Variants in TENM1 observed in about 807,000 individuals in gnomAD.
The protein encoded by TENM1 is teneurin transmembrane protein 1, also known as teneurin-1.
TENM1 carries 35 observed loss-of-function variants against 174.8 expected under a neutral mutation model. The ratio of observed to expected loss-of-function variants is 0.20; its 90% CI spans 0.15 to 0.27. The LOEUF (loss-of-function observed/expected upper bound fraction) is 0.27, where lower values mean the gene tolerates loss of function less well. Ranked by LOEUF, TENM1 falls within the 10% of genes least tolerant of loss-of-function variation. The probability of loss-of-function intolerance (pLI) is 1.00; values close to 1 mark genes in which losing one functional copy is unlikely to be tolerated. For missense variants in TENM1, 1,633 were observed against 2,130.1 expected, an observed-to-expected ratio of 0.77 and a Z score of 4.59; for synonymous variants, 781 against 798.7, an observed-to-expected ratio of 0.98 and a Z score of 0.37.
chrX:124,691,003 AT>A lies in TENM1; in HGVS notation c.1015+14009del, dbSNP rs1263177713. Among the ~76,000 whole-genome samples, 19 of 111,540 alleles carry A rather than the reference AT, an allele frequency of 1.7e-4. No individual in the cohort carries two copies. The Admixed American group carries it at 1.8e-3, about 11-fold the overall frequency. The stretch of plus-strand genomic sequence containing the variant: ...AAAGCACAAGCTCATATATATATAT[AT>A]ATCCCCAATTCTAATCCAACACTTC... On this transcript the variant is annotated intron_variant, in intron 5 of 31. Coordinates refer to ENST00000422452, the Ensembl canonical transcript of TENM1.
chrX:124,791,050 T>C (rs923433309), intron 3 of TENM1, among the ~76,000 whole-genome samples: 1 of 111,946 alleles, frequency 8.9e-6, no homozygotes, highest in African/African-American at 3.2e-5. Flanking sequence ...TCAAATACCT[T>C]ATCACATATT....
At chrX:124,539,885 T>C (rs914600141) in intron 15 of TENM1, among the ~76,000 whole-genome samples, 6 of 111,979 alleles carry the variant, frequency 5.4e-5, no homozygotes, top group Non-Finnish European at 9.4e-5. Context: ...CCCGAGCCAA[T>C]TAGTCCCATC....
At chrX:124,446,306 G>T (rs930533934) in intron 23 of TENM1, among the ~76,000 whole-genome samples, 1 of 112,245 alleles carries the variant, frequency 8.9e-6, no homozygotes, top group Non-Finnish European at 1.9e-5. Flanking sequence ...TAATCCCTCC[G>T]ACTAACAGTT....
At chrX:124,890,932 G>A (rs1476145796) in intron 3 of TENM1, among the ~76,000 whole-genome samples, 1 of 111,692 alleles carries the variant, frequency 9.0e-6, no homozygotes, top group Non-Finnish European at 1.9e-5. Context: ...TAAAGAAAAC[G>A]TAGTACATAT....
chrX:124,585,686 T>G (rs749880224), intron 11 of TENM1, among the ~76,000 whole-genome samples: 5 of 110,028 alleles, frequency 4.5e-5, no homozygotes, highest in Admixed American at 9.7e-5. Flanking sequence ...TAACTAAAAT[T>G]AGAGCAGAAC....
chrX:124,787,352 T>C (rs1485158904), intron 3 of TENM1, among the ~76,000 whole-genome samples: 1 of 107,455 alleles, frequency 9.3e-6, no homozygotes, highest in Non-Finnish European at 1.9e-5. Context: ...TTACAAACTT[T>C]GGGAAAGTTT....
chrX:124,752,559 T>A (rs1451166511), intron 3 of TENM1, among the ~76,000 whole-genome samples: 1 of 112,046 alleles, frequency 8.9e-6, no homozygotes, highest in African/African-American at 3.2e-5. Flanking sequence ...AGACATGAAG[T>A]CCTTGCTCAT....
At chrX:124,892,860 GT>G (rs1254292581) in intron 3 of TENM1, among the ~76,000 whole-genome samples, 11 of 112,221 alleles carry the variant, frequency 9.8e-5, no homozygotes, top group African/African-American at 3.6e-4. Flanking sequence ...ATTCTAAGTA[GT>G]TTTACTTTTT....
chrX:124,939,580 A>G lies in TENM1; in HGVS notation c.217+23957T>C, dbSNP rs764638672. On this transcript the variant is annotated intron_variant, in intron 1 of 31. Transcript: ENST00000422452. Reference sequence around the variant, plus strand: ...CACTTGATTTGACTGGATAAATCCTAATAGCCATTCCTTACAGTGGCTTCA... The same window carrying G: ...CACTTGATTTGACTGGATAAATCCTGATAGCCATTCCTTACAGTGGCTTCA... Among the ~76,000 whole-genome samples, 14 of 111,950 alleles carry G rather than the reference A, an allele frequency of 1.3e-4. No homozygotes were observed. The South Asian group carries it at 5.2e-3, about 42-fold the overall frequency.
chrX:124,469,904 C>A (rs1374764803), intron 22 of TENM1, among the ~76,000 whole-genome samples: 1 of 111,364 alleles, frequency 9.0e-6, no homozygotes, highest in Non-Finnish European at 1.9e-5. Flanking sequence ...AAATGAGACT[C>A]AAATTCATTG....
intron 6 of TENM1, among the ~76,000 whole-genome samples, chrX:124,660,450 T>C (rs1363733457): frequency 9.0e-6 from 1 of 110,615 alleles, no homozygotes; most frequent in Non-Finnish European, 1.9e-5. Context: ...GCCCACAGAA[T>C]GGGAGAAAAC....
intron 22 of TENM1, among the ~76,000 whole-genome samples, chrX:124,471,216 T>TATATATTA (rs1569533405): frequency 5.4e-4 from 25 of 46,004 alleles, no homozygotes; most frequent in East Asian, 1.9e-3. Flanking sequence ...GTACTATATA[T>TATATATTA]TATAATATAT....
At chrX:124,679,028 T>C (rs184875919) in intron 5 of TENM1, among the ~76,000 whole-genome samples, 5 of 111,781 alleles carry the variant, frequency 4.5e-5, no homozygotes, top group African/African-American at 1.6e-4. Context: ...AAGGAATTCA[T>C]CTTGCACCTT....
chrX:124,915,379 G>C (rs1196290123), intron 1 of TENM1, among the ~76,000 whole-genome samples: 1 of 111,544 alleles, frequency 9.0e-6, no homozygotes, highest in Non-Finnish European at 1.9e-5. Context: ...ACAAAAATTA[G>C]CCAGGCATAG....
At chrX:124,948,833 C>T (rs940230424) in intron 1 of TENM1, among the ~76,000 whole-genome samples, 2 of 112,158 alleles carry the variant, frequency 1.8e-5, no homozygotes, top group African/African-American at 6.5e-5. Flanking sequence ...GGATTACAGG[C>T]GTCATTTTTA....
At chrX:124,970,195 A>G in the TENM1 span, among the ~76,000 whole-genome samples, 1 of 111,754 alleles carries the variant, frequency 8.9e-6, no homozygotes, top group Non-Finnish European at 1.9e-5. Flanking sequence ...TGCCCCCTCA[A>G]AATGGGAACC....
chrX:124,719,862 G>A (rs1264146379), intron 4 of TENM1, among the ~76,000 whole-genome samples: 5 of 111,740 alleles, frequency 4.5e-5, no homozygotes, highest in African/African-American at 9.8e-5. Flanking sequence ...ATATCATCAC[G>A]GATTCACGGG....
At chrX:124,437,871 C>T (rs895328914) in intron 23 of TENM1, among the ~76,000 whole-genome samples, 3 of 111,491 alleles carry the variant, frequency 2.7e-5, no homozygotes, top group Non-Finnish European at 3.8e-5. Flanking sequence ...TTTATATGTC[C>T]CCATGTTTAC....
intron 3 of TENM1, among the ~76,000 whole-genome samples, chrX:124,806,913 T>TAGGTAATATATA (rs1357740969): frequency 2.2e-4 from 25 of 111,380 alleles, no homozygotes; most frequent in Non-Finnish European, 3.8e-4. Flanking sequence ...TACCTGAGGC[T>TAGGTAATATATA]AGGTAATATA....
Sources: gnomAD v4.1 joint callset for allele counts (sites outside exome capture counted in the v4.1 genomes callset) on GRCh38, gnomAD v4.1.1 for gene constraint, MANE v1.5 for transcripts, NCBI Gene and HGNC (gene_info 2026-07-23, HGNC 2026-07-21) for gene names.